The following SEMA6D variants were observed in gnomAD, a reference collection of about 807,000 sequenced individuals.
SEMA6D encodes the protein semaphorin 6D, also known as semaphorin-6D.
In SEMA6D, 35 loss-of-function variants were observed where a neutral mutation model predicts 106.6. The ratio of observed to expected loss-of-function variants is 0.33; its 90% CI spans 0.25 to 0.44. SEMA6D has a LOEUF of 0.44. SEMA6D is among the 20% of genes least tolerant of loss of function. SEMA6D has a pLI of 1.00. For missense variants in SEMA6D, 1,185 were observed against 1,345.9 expected, an observed-to-expected ratio of 0.88 and a Z score of 1.87; for synonymous variants, 499 against 487.7, an observed-to-expected ratio of 1.02 and a Z score of -0.31.
chr15:47,771,952 A>G lies in SEMA6D; in HGVS notation c.*167A>G, dbSNP rs1173377323. ...ACATCAGAACTTGCCACATGTAGCT[A>G]CTGCAGCAAGGCTTCTGTGTACTTG... On this transcript the variant is annotated 3_prime_UTR_variant, in exon 19 of 19. Transcript: ENST00000536845. 2 of 660,062 alleles carry G rather than the reference A, an allele frequency of 3.0e-6. No homozygotes were observed. The highest frequency in any genetic ancestry group is 5.1e-6 in the Non-Finnish European group (2 of 388,902). 40.9% of individuals were successfully genotyped at this position (660,062 alleles called of 1,614,324 possible).
At chr15:47,458,778 T>C (rs896670592) in intron 2 of SEMA6D, among the ~76,000 whole-genome samples, 2 of 152,006 alleles carry the variant, frequency 1.3e-5, no homozygotes, top group Non-Finnish European at 1.5e-5. Flanking sequence ...CTCAAATCAA[T>C]GGCATATGCT....
intron 3 of SEMA6D, among the ~76,000 whole-genome samples, chr15:47,546,311 A>T (rs1373303414): frequency 6.6e-6 from 1 of 152,180 alleles, no homozygotes; most frequent in East Asian, 1.9e-4. Context: ...AAGACTCAAT[A>T]AATTATCAAT....
intron 1 of SEMA6D, among the ~76,000 whole-genome samples, chr15:47,260,860 T>C (rs1265026450): frequency 5.3e-5 from 8 of 152,174 alleles, no homozygotes; most frequent in African/African-American, 1.9e-4. Flanking sequence ...CATCTGGTGT[T>C]ATCAGAGGGA....
chr15:47,748,214 A>G (rs1230032421), intron 1 of SEMA6D, among the ~76,000 whole-genome samples: 3 of 152,232 alleles, frequency 2.0e-5, no homozygotes, highest in African/African-American at 7.2e-5. Context: ...TATTGTGCCA[A>G]CGCTGCAGGA....
chr15:47,365,753 C>T (rs955696388), intron 1 of SEMA6D, among the ~76,000 whole-genome samples: 2 of 151,728 alleles, frequency 1.3e-5, no homozygotes, highest in Admixed American at 6.6e-5. Context: ...CCCAGCTATT[C>T]GGGAGGCTGA....
intron 1 of SEMA6D, among the ~76,000 whole-genome samples, chr15:47,318,428 C>G (rs1434117132): frequency 8.3e-6 from 1 of 119,842 alleles, no homozygotes; most frequent in Non-Finnish European, 1.7e-5. Context: ...TCCCCCCACC[C>G]CACAACAGTC....
chr15:47,665,391 C>G (rs777710417), intron 4 of SEMA6D, among the ~76,000 whole-genome samples: 1 of 152,128 alleles, frequency 6.6e-6, no homozygotes, highest in Non-Finnish European at 1.5e-5. Context: ...CATTTCCCTT[C>G]CAGTCTTTCT....
chr15:47,583,724 A>G (rs1384670055), intron 3 of SEMA6D, among the ~76,000 whole-genome samples: 1 of 152,164 alleles, frequency 6.6e-6, no homozygotes, highest in Non-Finnish European at 1.5e-5. Flanking sequence ...GGGAATGTGT[A>G]TTCCAGGACA....
At chr15:47,466,335 G>A (rs538505561) in intron 2 of SEMA6D, among the ~76,000 whole-genome samples, 1 of 152,178 alleles carries the variant, frequency 6.6e-6, no homozygotes, top group South Asian at 2.1e-4. Flanking sequence ...CTAGCCTGTA[G>A]CACCCACTTT....
intron 3 of SEMA6D, among the ~76,000 whole-genome samples, chr15:47,541,688 G>T (rs1026345122): frequency 1.3e-5 from 2 of 152,146 alleles, no homozygotes; most frequent in African/African-American, 4.8e-5. Context: ...ATGATCGGGG[G>T]AATAGCCCAG....
chr15:47,322,946 A>G (rs2036980984), intron 1 of SEMA6D, among the ~76,000 whole-genome samples: 1 of 152,208 alleles, frequency 6.6e-6, no homozygotes, highest in Admixed American at 6.5e-5. Flanking sequence ...TAAATTTTTT[A>G]AACCTGCTCA....
At chr15:47,464,104 AG>A (rs1274093759) in intron 2 of SEMA6D, among the ~76,000 whole-genome samples, 2 of 152,106 alleles carry the variant, frequency 1.3e-5, no homozygotes, top group Non-Finnish European at 2.9e-5. Flanking sequence ...TAATATTCAC[AG>A]GTTTCAGGGG....
intron 1 of SEMA6D, among the ~76,000 whole-genome samples, chr15:47,298,903 C>T (rs1033991193): frequency 1.3e-5 from 2 of 152,182 alleles, no homozygotes; most frequent in Admixed American, 1.3e-4. Flanking sequence ...AGACATTGTG[C>T]TGCTTTACCT....
At chr15:47,705,501 C>T (rs747444013) in intron 4 of SEMA6D, among the ~76,000 whole-genome samples, 1 of 152,264 alleles carries the variant, frequency 6.6e-6, no homozygotes, top group Non-Finnish European at 1.5e-5. Flanking sequence ...TTTGTACTTA[C>T]CCTTGTAAAA....
At chr15:47,766,277 C>CTTTT in intron 15 of SEMA6D, 95 bp downstream of exon 15, 1 of 910,724 alleles carries the variant, frequency 1.1e-6, no homozygotes, top group Non-Finnish European at 1.6e-6. Flanking sequence ...TACTACTTTT[C>CTTTT]TTTTTTTTTG....
At chr15:47,456,232 C>A (rs2042342354) in intron 2 of SEMA6D, among the ~76,000 whole-genome samples, 1 of 151,960 alleles carries the variant, frequency 6.6e-6, no homozygotes, top group African/African-American at 2.4e-5. Context: ...CTACACAATA[C>A]TTCTTATCAT....
At chr15:47,321,115 G>A (rs557553418) in intron 1 of SEMA6D, among the ~76,000 whole-genome samples, 2 of 152,216 alleles carry the variant, frequency 1.3e-5, no homozygotes, top group African/African-American at 4.8e-5. Flanking sequence ...GTATTAACCA[G>A]ATAAAAATTA....
At chr15:47,648,889 T>C (rs1474888321) in intron 4 of SEMA6D, among the ~76,000 whole-genome samples, 1 of 152,244 alleles carries the variant, frequency 6.6e-6, no homozygotes, top group Non-Finnish European at 1.5e-5. Flanking sequence ...ATGGTAAAAC[T>C]ACTTTTTTAA....
At chr15:47,588,476 C>T (rs1333735152) in intron 3 of SEMA6D, among the ~76,000 whole-genome samples, 1 of 152,208 alleles carries the variant, frequency 6.6e-6, no homozygotes, top group Non-Finnish European at 1.5e-5. Context: ...CTTTTGTAAG[C>T]CATGCTCCTC....
Sources: allele counts gnomAD v4.1 joint callset (sites outside exome capture counted in the v4.1 genomes callset), GRCh38; gene constraint gnomAD v4.1.1; transcripts MANE v1.5; gene names NCBI Gene and HGNC (gene_info 2026-07-23, HGNC 2026-07-21).